The following PPP3CA variants were observed in gnomAD, a reference collection of about 807,000 sequenced individuals.
The protein encoded by PPP3CA is protein phosphatase 3 catalytic subunit alpha.
In PPP3CA, 14 loss-of-function variants were observed where a neutral mutation model predicts 66.5. The ratio of observed to expected loss-of-function variants is 0.21; its 90% confidence interval spans 0.14 to 0.33. The LOEUF is 0.33. Ranked by LOEUF, PPP3CA falls within the 10% of genes least tolerant of loss-of-function variation. The pLI is 1.00. For missense variants in PPP3CA, 317 were observed against 639.5 expected, an observed-to-expected ratio of 0.50 and a Z score of 5.44; for synonymous variants, 232 against 226.2, an observed-to-expected ratio of 1.03 and a Z score of -0.23.
chr4:101,304,650 C>T (rs546562490), intron 1 of PPP3CA, among the ~76,000 whole-genome samples: 2 of 152,244 alleles, frequency 1.3e-5, no homozygotes, highest in East Asian at 1.9e-4. Flanking sequence ...AACAGAATTA[C>T]ATTCAAAAAT....
chr4:101,157,651 G>A (rs897925640), intron 2 of PPP3CA, among the ~76,000 whole-genome samples: 14 of 152,114 alleles, frequency 9.2e-5, no homozygotes, highest in Admixed American at 5.9e-4. Flanking sequence ...GTGAACTCCT[G>A]TCTGGCAGAA....
intron 2 of PPP3CA, among the ~76,000 whole-genome samples, chr4:101,127,348 T>C (rs528798092): frequency 6.6e-5 from 10 of 152,154 alleles, no homozygotes; most frequent in African/African-American, 1.9e-4. Context: ...TACTTAGAAA[T>C]AGGATCTTTG....
At chr4:101,098,079 A>C (rs1730278339) in intron 5 of PPP3CA, among the ~76,000 whole-genome samples, 1 of 152,210 alleles carries the variant, frequency 6.6e-6, no homozygotes, top group South Asian at 2.1e-4. Flanking sequence ...AAAAAAGCCA[A>C]ATGGAAATGA....
At chr4:101,105,110 A>C (rs1016829308) in intron 3 of PPP3CA, among the ~76,000 whole-genome samples, 4 of 152,140 alleles carry the variant, frequency 2.6e-5, no homozygotes, top group Non-Finnish European at 5.9e-5. Context: ...ACTTTAAAAA[A>C]ATCTGCTGAG....
chr4:101,253,564 A>G (rs531810151), intron 1 of PPP3CA, among the ~76,000 whole-genome samples: 180 of 152,246 alleles, frequency 1.2e-3, no homozygotes, highest in African/African-American at 4.1e-3. Flanking sequence ...CATCTCCATC[A>G]CTTGGGCCAA....
intron 1 of PPP3CA, among the ~76,000 whole-genome samples, chr4:101,283,097 C>T (rs1727738183): frequency 6.6e-6 from 1 of 152,136 alleles, no homozygotes; most frequent in African/African-American, 2.4e-5. Flanking sequence ...AAATCAAAAC[C>T]TGCACTACTC....
At position 101,205,947 on chromosome 4, in the gene PPP3CA, G is replaced by C. The variant is rs575213712; in HGVS notation, c.59-9831C>G. Among the ~76,000 whole-genome samples, 21 of 152,264 alleles carry C rather than the reference G, an allele frequency of 1.4e-4. No individual in the cohort carries two copies. The South Asian group carries it at 3.3e-3, about 24-fold the overall frequency. On this transcript the variant is annotated intron_variant, in intron 1 of 13. Coordinates refer to ENST00000394854, the MANE Select transcript of PPP3CA (RefSeq NM_000944.5). ...TTTTGCCTGACAGTCACCCTCCAGAGAGCCAAGGGCAGGAGCTAAATTCCC... is the reference window on the plus strand; with the variant it reads ...TTTTGCCTGACAGTCACCCTCCAGACAGCCAAGGGCAGGAGCTAAATTCCC...
rs1048984389 is a variant in PPP3CA at position 101,285,612 on chromosome 4, T to C, written c.58+61127A>G. 2.6e-4 allele frequency among the ~76,000 whole-genome samples: 35 copies of C among 136,566 alleles called. 1 individual carries two copies. Among genetic ancestry groups the C allele is most frequent in the African/African-American group, 9.8e-4 (31 of 31,578 alleles). 89.6% of individuals were successfully genotyped at this position (136,566 alleles called of 152,430 possible). ...GCCACTGTGTGTATGTGTGTGTGTG[T>C]GTGTGTGTGTGTGTGTGTGTGTGTG... On this transcript the variant is annotated intron_variant, in intron 1 of 13. Coordinates refer to ENST00000394854, the MANE Select transcript of PPP3CA (RefSeq NM_000944.5).
At chr4:101,090,942 T>A (rs1221163519) in intron 6 of PPP3CA, among the ~76,000 whole-genome samples, 1 of 145,902 alleles carries the variant, frequency 6.9e-6, no homozygotes, top group East Asian at 2.0e-4. Context: ...GTGTCTATAT[T>A]ATAATATACA....
chr4:101,216,404 G>A (rs915790451), intron 1 of PPP3CA, among the ~76,000 whole-genome samples: 7 of 152,042 alleles, frequency 4.6e-5, no homozygotes, highest in African/African-American at 1.7e-4. Context: ...CAATCATGGT[G>A]TTATGAATTA....
chr4:101,214,745 G>A (rs1403123398), intron 1 of PPP3CA, among the ~76,000 whole-genome samples: 2 of 152,032 alleles, frequency 1.3e-5, no homozygotes. Flanking sequence ...AAAATCACCT[G>A]GGAGATCTCA....
chr4:101,179,300 A>T (rs764379555), intron 2 of PPP3CA, among the ~76,000 whole-genome samples: 25 of 152,104 alleles, frequency 1.6e-4, no homozygotes, highest in Admixed American at 5.2e-4. Context: ...ACTTTTAGGG[A>T]GAGGTTTGCC....
intron 2 of PPP3CA, among the ~76,000 whole-genome samples, chr4:101,191,222 T>G (rs748796127): frequency 3.4e-4 from 51 of 152,140 alleles, no homozygotes; most frequent in Non-Finnish European, 5.0e-4. Context: ...GCAATCTGTA[T>G]TTTGTGAAGC....
At chr4:101,329,796 T>C (rs1477139665) in intron 1 of PPP3CA, among the ~76,000 whole-genome samples, 3 of 152,156 alleles carry the variant, frequency 2.0e-5, no homozygotes, top group African/African-American at 7.2e-5. Flanking sequence ...CACATCTGTT[T>C]ACAGCATTGT....
intron 8 of PPP3CA, among the ~76,000 whole-genome samples, chr4:101,074,659 AT>A (rs1307111984): frequency 1.3e-5 from 2 of 152,144 alleles, no homozygotes; most frequent in African/African-American, 4.8e-5. Context: ...TTCTCTTTTT[AT>A]TTATAAATGG....
intron 2 of PPP3CA, among the ~76,000 whole-genome samples, chr4:101,137,808 T>C (rs1012627666): frequency 5.3e-5 from 8 of 151,786 alleles, no homozygotes; most frequent in Non-Finnish European, 1.2e-4. Flanking sequence ...AAGAGAGCAA[T>C]TTACTACTCT....
intron 6 of PPP3CA, among the ~76,000 whole-genome samples, chr4:101,085,998 T>C (rs897618361): frequency 7.9e-5 from 12 of 152,140 alleles, no homozygotes; most frequent in Admixed American, 7.9e-4. Flanking sequence ...TTCCATTTGT[T>C]AGAAGACAGT....
chr4:101,303,809 T>C (rs1728453485), intron 1 of PPP3CA, among the ~76,000 whole-genome samples: 1 of 152,148 alleles, frequency 6.6e-6, no homozygotes, highest in Non-Finnish European at 1.5e-5. Context: ...GCACTGGCAA[T>C]TGGAAGTCCT....
Position 101,245,359 on chromosome 4 carries a change from G to A in PPP3CA, c.59-49243C>T, listed in dbSNP as rs569185670. On this transcript the variant is annotated intron_variant, in intron 1 of 13. Coordinates refer to ENST00000394854, the MANE Select transcript of PPP3CA (RefSeq NM_000944.5). ...AACAGAGCATCAAGGGCTTATTTCT[G>A]ATTTCTCATCTTTTTATCCCGAAGA... 3.7e-4 allele frequency among the ~76,000 whole-genome samples: 57 copies of A among 152,260 alleles called. No homozygotes were observed. In the South Asian group the frequency reaches 0.012, roughly 31 times the overall value.
Sources: gnomAD v4.1 joint callset for allele counts (sites outside exome capture counted in the v4.1 genomes callset) on GRCh38, gnomAD v4.1.1 for gene constraint, MANE v1.5 for transcripts, NCBI Gene and HGNC (gene_info 2026-07-23, HGNC 2026-07-21) for gene names.